Variants in TPCN2 observed in about 807,000 individuals in gnomAD.
The protein encoded by TPCN2 is two pore channel protein 2.
Under a neutral mutation model 111.4 loss-of-function variants are expected in TPCN2, and 92 were observed. That is an observed-to-expected ratio of 0.83 (90% CI 0.70 to 0.98). TPCN2 has a LOEUF of 0.98. Ranked by LOEUF, TPCN2 falls within the 50% of genes least tolerant of loss-of-function variation. The pLI, the probability that TPCN2 is intolerant of heterozygous loss-of-function variation, is 0.00. For synonymous variants in TPCN2, 405 were observed against 414.5 expected, an observed-to-expected ratio of 0.98 and a Z score of 0.28; for missense variants, 995 against 980.1, an observed-to-expected ratio of 1.02 and a Z score of -0.20.
chr11:69,075,323 A>G (rs149257618), intron 13 of TPCN2, among the ~76,000 whole-genome samples: 2 of 152,314 alleles, frequency 1.3e-5, no homozygotes, highest in African/African-American at 4.8e-5. Context: ...AAATCCATGG[A>G]TGTTTAAGTC....
intron 7 of TPCN2, among the ~76,000 whole-genome samples, chr11:69,064,624 G>C (rs1256197589): frequency 6.6e-6 from 1 of 152,200 alleles, no homozygotes; most frequent in Admixed American, 6.5e-5. Flanking sequence ...TCCTTCTTGG[G>C]GCTGGGGCCA....
At chr11:69,059,976 G>A (rs945170109) in intron 5 of TPCN2, among the ~76,000 whole-genome samples, 12 of 152,228 alleles carry the variant, frequency 7.9e-5, no homozygotes, top group Non-Finnish European at 1.5e-4. Flanking sequence ...GAGGGAAGAG[G>A]CCTAGCTGCA....
At chr11:69,060,534 T>A (rs745998214) in intron 5 of TPCN2, among the ~76,000 whole-genome samples, 124 of 152,310 alleles carry the variant, frequency 8.1e-4, no homozygotes, top group Middle Eastern at 3.4e-3. Context: ...GGACGTGGTT[T>A]TTCCTCAAGG....
chr11:69,050,593 G>T (rs1861180605), intron 1 of TPCN2, among the ~76,000 whole-genome samples: 1 of 152,198 alleles, frequency 6.6e-6, no homozygotes, highest in South Asian at 2.1e-4. Context: ...GGCCAGGGTG[G>T]TCTCAAACTC....
chr11:69,060,036 A>G (rs1321702559), intron 5 of TPCN2, among the ~76,000 whole-genome samples: 3 of 152,232 alleles, frequency 2.0e-5, no homozygotes, highest in African/African-American at 4.8e-5. Context: ...CACGATGCCC[A>G]TGGTGGGCGT....
rs989779553 is a variant in TPCN2, at chr11:69,082,417, A to G, written c.1689+918A>G. 3.9e-5 allele frequency among the ~76,000 whole-genome samples: 6 copies of G among 152,280 alleles called. No individual in the cohort carries two copies. In the East Asian group the frequency reaches 5.8e-4, roughly 15 times the overall value. Reference sequence around the variant, plus strand: ...AATACACATCATCATGCACATACACACGTACATTAATACGCACGCCCGCAT... The same window carrying G: ...AATACACATCATCATGCACATACACGCGTACATTAATACGCACGCCCGCAT... On this transcript the variant is annotated intron_variant, in intron 18 of 24. Coordinates refer to ENST00000294309, the MANE Select transcript of TPCN2 (RefSeq NM_139075.4).
intron 1 of TPCN2, among the ~76,000 whole-genome samples, chr11:69,052,637 C>T (rs113241674): frequency 1.3e-5 from 2 of 152,092 alleles, no homozygotes; most frequent in East Asian, 3.9e-4. Flanking sequence ...TGTCTGGGGC[C>T]CCTCACACCT....
chr11:69,088,786 C>A lies in TPCN2; in HGVS notation c.*833C>A, dbSNP rs1297220368. The A allele has an allele frequency of 6.6e-6, 1 of 152,182 alleles. No homozygotes were observed. Among genetic ancestry groups the A allele is most frequent in the East Asian group, 1.9e-4 (1 of 5,186 alleles). 9.4% of individuals were successfully genotyped at this position (152,182 alleles called of 1,614,324 possible). A position where few individuals can be genotyped will look rare whatever the true frequency, so the allele number is the denominator to read the frequency against. On this transcript the variant is annotated 3_prime_UTR_variant, in exon 25 of 25. Transcript: ENST00000294309. ...CAGTGTGTGGAAAGCCTTGTTGTCA[C>A]CTGAAGCACGCCAGGTCCAGATTGA...
chr11:69,075,056 G>C (rs1159822125), intron 13 of TPCN2, among the ~76,000 whole-genome samples: 1 of 152,250 alleles, frequency 6.6e-6, no homozygotes, highest in African/African-American at 2.4e-5. Flanking sequence ...GTGCGCACAG[G>C]AGTGGGGAAG....
At chr11:69,075,498 A>G (rs1855713676) in intron 13 of TPCN2, among the ~76,000 whole-genome samples, 1 of 152,152 alleles carries the variant, frequency 6.6e-6, no homozygotes, top group South Asian at 2.1e-4. Context: ...TTTTTCCCTG[A>G]GTATGTTTTG....
chr11:69,072,658 G>A lies in TPCN2; in HGVS notation c.1093G>A (p.Val365Met). The A allele has an allele frequency of 6.2e-7, 1 of 1,613,894 alleles. No individual in the cohort carries two copies. Among genetic ancestry groups the A allele is most frequent in the South Asian group, 1.1e-5 (1 of 91,076 alleles). The change falls in exon 12 of 25, where the codon GTG becomes ATG. Residue 365 changes from valine to methionine, a missense_variant. Transcript: ENST00000294309. ...VGVKPQNLLQVLQKVQLDSSH... is the reference protein window; with the variant it reads ...VGVKPQNLLQMLQKVQLDSSH... ...GGTGAAGCCCCAGAACTTGCTGCAG[G>A]TGCTTCAGAAGGTCCAGCTGGACAG... is the stretch of plus-strand genomic sequence containing the variant.
rs756928653 is a variant in TPCN2 at position 69,072,074 on chromosome 11, G to C, written c.1061+51G>C. 24 of 1,504,716 alleles carry C rather than the reference G, an allele frequency of 1.6e-5. 1 individual carries two copies. In the Admixed American group the frequency reaches 4.0e-4, roughly 25 times the overall value. The allele number at this position is 1,504,716 out of a possible 1,614,324, so 93.2% of individuals were successfully genotyped here. On this transcript the variant is annotated intron_variant, in intron 11 of 24. Transcript: ENST00000294309. ...CTCCCTGAGGGTGGGTGCTGTGGCTGCTGGGCAGGGGCCGGGTGTTCATTA... is the reference window on the plus strand; with the variant it reads ...CTCCCTGAGGGTGGGTGCTGTGGCTCCTGGGCAGGGGCCGGGTGTTCATTA...
chr11:69,085,331 T>TGGGGGGG, intron 20 of TPCN2, 45 bp downstream of exon 20: 1 of 528,656 alleles, frequency 1.9e-6, no homozygotes, highest in Non-Finnish European at 3.8e-6. Context: ...TCAGGGGTGC[T>TGGGGGGG]GGGGTGGGCG....
At chr11:69,063,848 T>C in intron 6 of TPCN2, 47 bp from the exon 7 acceptor site, 1 of 1,594,912 alleles carries the variant, frequency 6.3e-7, no homozygotes, top group Non-Finnish European at 8.6e-7. Context: ...CAGGTGTCCC[T>C]GCCTGCCCGC....
chr11:69,076,088 G>A (rs994628345), intron 13 of TPCN2, among the ~76,000 whole-genome samples: 6 of 152,230 alleles, frequency 3.9e-5, no homozygotes, highest in African/African-American at 1.4e-4. Flanking sequence ...GTAACTGCAA[G>A]ATGTAAGGAA....
chr11:69,062,748 C>T (rs577879741), intron 5 of TPCN2, 136 bp from the exon 6 acceptor site: 110 of 774,406 alleles, frequency 1.4e-4, no homozygotes, highest in Non-Finnish European at 1.8e-4. Flanking sequence ...GAGCCAGGCC[C>T]TCCACTTTGG....
intron 13 of TPCN2, among the ~76,000 whole-genome samples, chr11:69,075,325 G>A (rs1855706889): frequency 6.6e-6 from 1 of 152,206 alleles, no homozygotes; most frequent in African/African-American, 2.4e-5. Flanking sequence ...ATCCATGGAT[G>A]TTTAAGTCTC....
intron 18 of TPCN2, among the ~76,000 whole-genome samples, chr11:69,082,212 C>T (rs368691773): frequency 1.6e-4 from 25 of 152,232 alleles, no homozygotes; most frequent in East Asian, 5.8e-4. Flanking sequence ...CACACACACG[C>T]GCACACGTGT....
In TPCN2 at chr11:69,049,089, G is replaced by A; in HGVS notation, c.92G>A (p.Ser31Asn). Residue 31 changes from serine (S) to asparagine (N), a missense_variant, in exon 1 of 25, where the codon AGC becomes AAC. By Grantham distance (46) the Ser-to-Asn change is conservative. Transcript: ENST00000294309. ...DWPAGLTTYR[S>N]IQVGPGAAAR... ...CCGGCGGGGCTGACCACTTACCGCA[G>A]CATCCAAGTCGGCCCTGGTGAGCCG... is the stretch of plus-strand genomic sequence containing the variant. The A allele has an allele frequency of 8.1e-7, 1 of 1,242,216 alleles. No homozygotes were observed. The highest frequency in any genetic ancestry group is 1.5e-5 in the African/African-American group (1 of 64,550). The allele number at this position is 1,242,216 out of a possible 1,614,324, so 76.9% of individuals were successfully genotyped here. A position where few individuals can be genotyped will look rare whatever the true frequency, so the allele number is the denominator to read the frequency against.
Sources: gnomAD v4.1 joint callset for allele counts (sites outside exome capture counted in the v4.1 genomes callset) on GRCh38, gnomAD v4.1.1 for gene constraint, MANE v1.5 for transcripts, NCBI Gene and HGNC (gene_info 2026-07-23, HGNC 2026-07-21) for gene names.